Variants in MCC observed in about 807,000 individuals in gnomAD.
MCC encodes MCC regulator of Wnt signaling pathway.
In MCC, 90 loss-of-function variants were observed where a neutral mutation model predicts 116.2. That is an observed-to-expected ratio of 0.77 (90% confidence interval 0.65 to 0.92). The LOEUF (loss-of-function observed/expected upper bound fraction) is 0.92. Ranked by LOEUF, MCC falls within the 40% of genes least tolerant of loss-of-function variation. The pLI is 0.00. For synonymous variants in MCC, 578 were observed against 510.5 expected (o/e 1.13, Z -1.78); for missense variants, 1,516 against 1,312.2 (o/e 1.16, Z -2.40).
intron 3 of MCC, among the ~76,000 whole-genome samples, chr5:113,273,586 G>A (rs1765692682): frequency 6.6e-6 from 1 of 152,120 alleles, no homozygotes; most frequent in Admixed American, 6.5e-5. Flanking sequence ...TGAGAAACAG[G>A]ATCAGGCCAC....
intron 8 of MCC, among the ~76,000 whole-genome samples, chr5:113,087,391 T>C (rs182862265): frequency 3.5e-4 from 53 of 152,188 alleles, no homozygotes; most frequent in African/African-American, 1.2e-3. Context: ...AAACTCAAAA[T>C]AGCCTAAAGA....
At chr5:113,145,737 TACACACACACACACACACACACACAC>T (rs558608537) in intron 4 of MCC, among the ~76,000 whole-genome samples, 7 of 123,530 alleles carry the variant, frequency 5.7e-5, no homozygotes, top group African/African-American at 1.7e-4. Context: ...TAAACTTGCT[TACACACACACACACACACACACACAC>T]ACACACACAC....
At chr5:113,055,886 G>A (rs1383608765) in intron 14 of MCC, among the ~76,000 whole-genome samples, 1 of 152,178 alleles carries the variant, frequency 6.6e-6, no homozygotes, top group Non-Finnish European at 1.5e-5. Flanking sequence ...GGAAAGACAG[G>A]TCCCCCAAAA....
chr5:113,034,414 A>T (rs774142565), intron 17 of MCC, among the ~76,000 whole-genome samples: 1 of 152,060 alleles, frequency 6.6e-6, no homozygotes, highest in Non-Finnish European at 1.5e-5. Context: ...ATCAGTAAGG[A>T]GGTTATATTC....
intron 1 of MCC, among the ~76,000 whole-genome samples, chr5:113,418,876 C>A (rs1330826987): frequency 2.0e-5 from 3 of 152,174 alleles, no homozygotes; most frequent in African/African-American, 2.4e-5. Flanking sequence ...CATGCTGCAT[C>A]AAGCAGCACC....
At chr5:113,376,571 T>TTATA (rs569467156) in intron 2 of MCC, among the ~76,000 whole-genome samples, 1,651 of 135,784 alleles carry the variant, frequency 0.012, 17 homozygotes, top group Non-Finnish European at 0.015. Context: ...TTGCCATATT[T>TTATA]TATACACACA....
intron 11 of MCC, 44 bp downstream of exon 11, chr5:113,082,816 C>A: frequency 6.2e-7 from 1 of 1,600,292 alleles, no homozygotes; most frequent in Non-Finnish European, 8.5e-7. Context: ...AGGAGTAGCA[C>A]CTCCTCCCTG....
intron 2 of MCC, among the ~76,000 whole-genome samples, chr5:113,374,173 T>C (rs1190768417): frequency 6.6e-6 from 1 of 151,918 alleles, no homozygotes; most frequent in Non-Finnish European, 1.5e-5. Context: ...GTTACAGGCG[T>C]GAGCCACGGT....
chr5:113,132,451 C>CATATATATATATATATATATATAT (rs1405150950), intron 5 of MCC, among the ~76,000 whole-genome samples: 4 of 124,460 alleles, frequency 3.2e-5, no homozygotes, highest in African/African-American at 1.4e-4. Flanking sequence ...TATACACACA[C>CATATATATATATATATATATATAT]ACACACACAC....
Position 113,163,282 on chromosome 5 carries a change from T to C in MCC, c.628-11860A>G, listed in dbSNP as rs138943413. Among the ~76,000 whole-genome samples, 17 of 152,360 alleles carry C rather than the reference T, an allele frequency of 1.1e-4. No individual in the cohort carries two copies. The East Asian group carries it at 3.1e-3, about 28-fold the overall frequency. ...CAAGGACACACACAAAGGTCATCTA[T>C]TCATGATAGAAAAATAATCAAAAAT... On this transcript the variant is annotated intron_variant, in intron 3 of 18. Coordinates refer to ENST00000408903, the MANE Select transcript of MCC (RefSeq NM_001085377.2).
chr5:113,041,865 G>A (rs944937166), intron 17 of MCC, among the ~76,000 whole-genome samples: 16 of 151,742 alleles, frequency 1.1e-4, no homozygotes, highest in African/African-American at 2.9e-4. Flanking sequence ...GTGTGGTGGC[G>A]TGTGCCTGTA....
At chr5:113,400,431 C>T (rs1196654131) in intron 1 of MCC, among the ~76,000 whole-genome samples, 1 of 151,916 alleles carries the variant, frequency 6.6e-6, no homozygotes, top group Non-Finnish European at 1.5e-5. Context: ...CCTGTTTTGG[C>T]TCTCTCTTAA....
At chr5:113,409,890 T>C (rs1349193747) in intron 1 of MCC, among the ~76,000 whole-genome samples, 1 of 152,116 alleles carries the variant, frequency 6.6e-6, no homozygotes, top group African/African-American at 2.4e-5. Context: ...TATAAAATTT[T>C]ATTTTAATAA....
Position 113,035,025 on chromosome 5 carries a change from CTT to C in MCC, c.2757-5971_2757-5970del, listed in dbSNP as rs371328714. Among the ~76,000 whole-genome samples, 520 of 152,342 alleles carry C rather than the reference CTT, an allele frequency of 3.4e-3. 2 individuals are homozygous for C. Among genetic ancestry groups the C allele is most frequent in the African/African-American group, 0.012 (491 of 41,586 alleles). On this transcript the variant is annotated intron_variant, in intron 17 of 18. Coordinates refer to ENST00000408903, the MANE Select transcript of MCC (RefSeq NM_001085377.2). ...CCCTTTTCCTAAAAACTTCCACACTCTTAATCTTCTGGCCTTTCCTTGGATCT... is the reference window on the plus strand; with the variant it reads ...CCCTTTTCCTAAAAACTTCCACACTCAATCTTCTGGCCTTTCCTTGGATCT...
chr5:113,219,716 C>T (rs1437975771), intron 3 of MCC, among the ~76,000 whole-genome samples: 1 of 152,130 alleles, frequency 6.6e-6, no homozygotes, highest in Non-Finnish European at 1.5e-5. Context: ...TCCCAGCAGG[C>T]CAGAAACTAT....
At chr5:113,170,415 C>G in intron 3 of MCC, among the ~76,000 whole-genome samples, 1 of 152,168 alleles carries the variant, frequency 6.6e-6, no homozygotes, top group Non-Finnish European at 1.5e-5. Context: ...TCTGATAAAC[C>G]ACAACTGCAT....
chr5:113,057,403 G>C (rs887647687), intron 14 of MCC, among the ~76,000 whole-genome samples: 3 of 152,154 alleles, frequency 2.0e-5, no homozygotes, highest in South Asian at 2.1e-4. Context: ...TCCAGGGAGA[G>C]ATGGTAGCAG....
chr5:113,217,843 A>C (rs1234022944), intron 3 of MCC, among the ~76,000 whole-genome samples: 1 of 152,078 alleles, frequency 6.6e-6, no homozygotes, highest in Non-Finnish European at 1.5e-5. Context: ...GAGACAAGAG[A>C]AACACTGAGA....
intron 2 of MCC, among the ~76,000 whole-genome samples, chr5:113,345,906 C>G (rs1768121680): frequency 6.6e-6 from 1 of 152,096 alleles, no homozygotes; most frequent in South Asian, 2.1e-4. Flanking sequence ...GGGACTAATC[C>G]TGGAGAAACA....
Sources: gnomAD v4.1 joint callset for allele counts (sites outside exome capture counted in the v4.1 genomes callset) on GRCh38, gnomAD v4.1.1 for gene constraint, MANE v1.5 for transcripts, NCBI Gene and HGNC (gene_info 2026-07-23, HGNC 2026-07-21) for gene names.